MGAT5: variants seen among roughly 807,000 people sequenced by gnomAD.
MGAT5 encodes the protein alpha-1,6-mannosylglycoprotein 6-beta-N-acetylglucosaminyltransferase A.
A neutral mutation model predicts 94.3 loss-of-function variants in MGAT5; 30 were observed. That is an observed-to-expected ratio of 0.32 (90% CI 0.24 to 0.43). The LOEUF (loss-of-function observed/expected upper bound fraction) is 0.43. MGAT5 is among the 20% of genes least tolerant of loss of function. The pLI is 1.00. For synonymous variants in MGAT5, 310 were observed against 322.9 expected (o/e 0.96, Z 0.43); for missense variants, 691 against 905.5 (o/e 0.76, Z 3.04).
chr2:134,287,553 C>A (rs10496725), intron 2 of MGAT5, among the ~76,000 whole-genome samples: 4,126 of 152,268 alleles, frequency 0.027, 177 homozygotes, highest in East Asian at 0.11. Flanking sequence ...TCCTAGGGAA[C>A]CATAGATGAC....
At chr2:134,404,934 A>G (rs756142724) in intron 11 of MGAT5, among the ~76,000 whole-genome samples, 1 of 152,168 alleles carries the variant, frequency 6.6e-6, no homozygotes, top group Non-Finnish European at 1.5e-5. Flanking sequence ...TGTTTTTGCC[A>G]TTTGCCTCAT....
chr2:134,382,288 C>A (rs1196703876), intron 10 of MGAT5, among the ~76,000 whole-genome samples: 1 of 151,894 alleles, frequency 6.6e-6, no homozygotes, highest in East Asian at 1.9e-4. Flanking sequence ...CCAGGCCCAG[C>A]TCCAGATCAG....
intron 1 of MGAT5, among the ~76,000 whole-genome samples, chr2:134,193,957 G>C (rs914214296): frequency 4.6e-5 from 7 of 152,142 alleles, no homozygotes; most frequent in Non-Finnish European, 8.8e-5. Flanking sequence ...GACCCTGAGC[G>C]ATATATCTTC....
chr2:134,245,747 G>C (rs1419069773), intron 1 of MGAT5, among the ~76,000 whole-genome samples: 1 of 152,124 alleles, frequency 6.6e-6, no homozygotes, highest in Non-Finnish European at 1.5e-5. Context: ...GAGAGGGCAG[G>C]AAGAAGAGTG....
At chr2:134,159,188 C>CATGTGT (rs1553486176) in intron 1 of MGAT5, among the ~76,000 whole-genome samples, 1 of 144,008 alleles carries the variant, frequency 6.9e-6, no homozygotes. Context: ...GGTCTAAATT[C>CATGTGT]GTGTGTGTGT....
intron 1 of MGAT5, among the ~76,000 whole-genome samples, chr2:134,212,550 C>T (rs140030177): frequency 0.14 from 3,196 of 23,444 alleles, 1,138 homozygotes; most frequent in African/African-American, 0.28. Flanking sequence ...GCACTGTGGT[C>T]TGAGAGATAA....
chr2:134,160,616 T>C (rs1475360574), intron 1 of MGAT5, among the ~76,000 whole-genome samples: 1 of 152,208 alleles, frequency 6.6e-6, no homozygotes, highest in Non-Finnish European at 1.5e-5. Context: ...CAGAACATGA[T>C]GCTGGTTTGT....
intron 1 of MGAT5, among the ~76,000 whole-genome samples, chr2:134,133,198 T>G (rs1686256015): frequency 6.6e-6 from 1 of 152,244 alleles, no homozygotes; most frequent in Admixed American, 6.5e-5. Context: ...TAGGGTGGTA[T>G]TATATCTGAG....
At chr2:134,444,731 A>G (rs985821426) in intron 15 of MGAT5, among the ~76,000 whole-genome samples, 1 of 152,216 alleles carries the variant, frequency 6.6e-6, no homozygotes, top group Admixed American at 6.5e-5. Flanking sequence ...TCCTCACTCT[A>G]TAGTATGACT....
intron 12 of MGAT5, among the ~76,000 whole-genome samples, chr2:134,415,523 G>A (rs1428143167): frequency 1.3e-5 from 2 of 152,076 alleles, no homozygotes; most frequent in Non-Finnish European, 2.9e-5. Flanking sequence ...GGAATTAACC[G>A]CTTATTAAAT....
chr2:134,141,750 G>A (rs1459722683), intron 1 of MGAT5, among the ~76,000 whole-genome samples: 3 of 152,338 alleles, frequency 2.0e-5, no homozygotes, highest in African/African-American at 7.2e-5. Context: ...ATTGCCAGCA[G>A]GGGCCATGTG....
At chr2:134,334,406 TG>T (rs1688209621) in intron 4 of MGAT5, among the ~76,000 whole-genome samples, 1 of 150,576 alleles carries the variant, frequency 6.6e-6, no homozygotes, top group Non-Finnish European at 1.5e-5. Context: ...ATGCTATTCC[TG>T]GGAAAACTTC....
chr2:134,408,532 AG>A (rs533383785), intron 11 of MGAT5, among the ~76,000 whole-genome samples: 28 of 152,298 alleles, frequency 1.8e-4, no homozygotes, highest in African/African-American at 5.8e-4. Flanking sequence ...CTCTGACAAA[AG>A]TCTGCTTTGG....
chr2:134,288,805 A>C (rs1162585349), intron 2 of MGAT5, among the ~76,000 whole-genome samples: 2 of 152,076 alleles, frequency 1.3e-5, no homozygotes, highest in Non-Finnish European at 2.9e-5. Context: ...CTCTCCCCTG[A>C]CAGCCACCCA....
At chr2:134,313,085 C>T (rs953089670) in intron 2 of MGAT5, among the ~76,000 whole-genome samples, 1 of 86,444 alleles carries the variant, frequency 1.2e-5, no homozygotes, top group African/African-American at 3.8e-5. Flanking sequence ...CACACACACA[C>T]ACACACATAT....
upstream of MGAT5, among the ~76,000 whole-genome samples, chr2:134,249,440 A>T (rs187134312): frequency 6.6e-6 from 1 of 152,220 alleles, no homozygotes; most frequent in Admixed American, 6.5e-5. Flanking sequence ...CTAAGCAAGT[A>T]CTAATGTATT....
At chr2:134,442,823 C>T (rs1685561674) in intron 15 of MGAT5, among the ~76,000 whole-genome samples, 1 of 151,726 alleles carries the variant, frequency 6.6e-6, no homozygotes, top group Non-Finnish European at 1.5e-5. Flanking sequence ...CCACCCACCA[C>T]CTTAGTAGCT....
At chr2:134,371,779 T>C (rs1420979867) in intron 10 of MGAT5, among the ~76,000 whole-genome samples, 1 of 152,112 alleles carries the variant, frequency 6.6e-6, no homozygotes, top group Non-Finnish European at 1.5e-5. Context: ...TTCCAAGCAA[T>C]AGCTTGGTTG....
chr2:134,205,803 A>G (rs1679999872), intron 1 of MGAT5, among the ~76,000 whole-genome samples: 1 of 152,224 alleles, frequency 6.6e-6, no homozygotes, highest in Non-Finnish European at 1.5e-5. Context: ...TGTCCCAACA[A>G]GGTGAGTTCT....
Sources: allele counts gnomAD v4.1 joint callset (sites outside exome capture counted in the v4.1 genomes callset), GRCh38; gene constraint gnomAD v4.1.1; transcripts MANE v1.5; gene names NCBI Gene and HGNC (gene_info 2026-07-23, HGNC 2026-07-21).